PNPLA7: variants seen among roughly 807,000 people sequenced by gnomAD.
PNPLA7 encodes the protein patatin-like phospholipase domain-containing protein 7.
A neutral mutation model predicts 161.7 loss-of-function variants in PNPLA7; 153 were observed. That is an observed-to-expected ratio of 0.95 (90% confidence interval 0.83 to 1.08). The LOEUF (loss-of-function observed/expected upper bound fraction) is 1.08, where lower values mean the gene tolerates loss of function less well. Ranked by LOEUF, PNPLA7 falls within the 50% of genes least tolerant of loss-of-function variation. The pLI is 0.00. For synonymous variants in PNPLA7, 809 were observed against 782.1 expected, an observed-to-expected ratio of 1.03 and a Z score of -0.57; for missense variants, 1,739 against 1,856.6, an observed-to-expected ratio of 0.94 and a Z score of 1.16.
In PNPLA7 at chr9:137,500,554, G is replaced by A. The variant is rs1833335376; in HGVS notation, c.1757+137C>T. ...GGGGGCACAGACCTGGGCCCACACA[G>A]GTGCCGGGGACAAAGAGGGGAGCCC... is the stretch of plus-strand genomic sequence containing the variant. On this transcript the variant is annotated intron_variant, in intron 16 of 34. Transcript: ENST00000406427. The surrounding 1 kb of genome is among the most constrained non-coding windows in gnomAD (Gnocchi z 5.5). The A allele has an allele frequency of 1.2e-6, 1 of 819,174 alleles. No homozygotes were observed. 50.7% of individuals were successfully genotyped at this position (819,174 alleles called of 1,614,324 possible). A position where few individuals can be genotyped will look rare whatever the true frequency, so the allele number is the denominator to read the frequency against.
At chr9:137,526,075 TC>T (rs1328136786) in intron 8 of PNPLA7, among the ~76,000 whole-genome samples, 13 of 152,024 alleles carry the variant, frequency 8.6e-5, no homozygotes, top group Admixed American at 2.0e-4. Context: ...TCATATATCA[TC>T]ATATCTATAT....
chr9:137,534,908 G>A (rs1204536967), intron 8 of PNPLA7, among the ~76,000 whole-genome samples: 2 of 140,162 alleles, frequency 1.4e-5, no homozygotes, highest in Admixed American at 6.8e-5. Context: ...CGAACCGCGC[G>A]TTCTAACAGG....
At position 137,490,181 on chromosome 9, in the gene PNPLA7, A is replaced by T. The variant is rs1832696721; in HGVS notation, c.2197+2832T>A. On this transcript the variant is annotated intron_variant, in intron 20 of 34. Coordinates refer to ENST00000406427, the MANE Select transcript of PNPLA7 (RefSeq NM_001098537.3). The surrounding 1 kb of genome is among the most constrained non-coding windows in gnomAD (Gnocchi z 4.1). ...CGATCATAGCTCACTGTAACCTCGA[A>T]CTCCGAGGCCCAAACGATCCTCCCA... is the stretch of plus-strand genomic sequence containing the variant. 6.6e-6 allele frequency among the ~76,000 whole-genome samples: 1 copy of T among 152,134 alleles called. No homozygotes were observed. The highest frequency in any genetic ancestry group is 1.9e-4 in the East Asian group (1 of 5,196).
At chr9:137,465,366 C>A (rs1054041960) in intron 26 of PNPLA7, among the ~76,000 whole-genome samples, 106 of 152,256 alleles carry the variant, frequency 7.0e-4, no homozygotes, top group African/African-American at 2.4e-3. Context: ...GTGATCCCAG[C>A]ACGGAAAGAG....
At chr9:137,492,576 CA>C (rs1317146411) in intron 20 of PNPLA7, among the ~76,000 whole-genome samples, 1 of 33,806 alleles carries the variant, frequency 3.0e-5, no homozygotes, top group Non-Finnish European at 5.8e-5. Context: ...CAGCACAGGG[CA>C]GGGCCGTGGG....
At position 137,524,101 on chromosome 9, in the gene PNPLA7, G is replaced by A. The variant is rs139016259; in HGVS notation, c.748-1244C>T. ...CTCCAATGCCCCTGGCAGCCTTTTC[G>A]CAACCTCCTTTCTTCCCACCACTGG... On this transcript the variant is annotated intron_variant, in intron 8 of 34. Coordinates refer to ENST00000406427, the MANE Select transcript of PNPLA7 (RefSeq NM_001098537.3). The surrounding 1 kb of genome is among the most constrained non-coding windows in gnomAD (Gnocchi z 4.4). 1.6e-3 allele frequency among the ~76,000 whole-genome samples: 239 copies of A among 152,248 alleles called. 1 individual carries two copies. Among genetic ancestry groups the A allele is most frequent in the African/African-American group, 4.4e-3 (182 of 41,548 alleles).
chr9:137,481,717 CT>C (rs1832228161), intron 21 of PNPLA7, among the ~76,000 whole-genome samples: 1 of 152,192 alleles, frequency 6.6e-6, no homozygotes, highest in African/African-American at 2.4e-5. Flanking sequence ...AATCCCAGCA[CT>C]TTGGGAGGCC....
chr9:137,474,548 T>TG (rs1342655211), intron 25 of PNPLA7, among the ~76,000 whole-genome samples: 3 of 152,050 alleles, frequency 2.0e-5, no homozygotes, highest in Non-Finnish European at 4.4e-5. Context: ...CGGAGTGCCG[T>TG]GGGGAAACGC....
intron 1 of PNPLA7, 37 bp downstream of exon 1, chr9:137,550,131 T>G: frequency 6.2e-7 from 1 of 1,612,198 alleles, no homozygotes; most frequent in Non-Finnish European, 8.5e-7. Context: ...GCCCCCCAAC[T>G]GGGAAATCCA....
chr9:137,507,630 T>C (rs748861804), intron 12 of PNPLA7, among the ~76,000 whole-genome samples: 3 of 152,034 alleles, frequency 2.0e-5, no homozygotes, highest in African/African-American at 7.3e-5. Context: ...GATCGCACCA[T>C]TGCACTCCAG....
Position 137,480,573 on chromosome 9 carries a change from C to T in PNPLA7, c.2412-93G>A, listed in dbSNP as rs1159912316. 2.0e-5 allele frequency: 28 copies of T among 1,371,534 alleles called. No homozygotes were observed. The South Asian group carries it at 3.4e-4, about 17-fold the overall frequency. 85.0% of individuals were successfully genotyped at this position (1,371,534 alleles called of 1,614,324 possible). A position where few individuals can be genotyped will look rare whatever the true frequency, so the allele number is the denominator to read the frequency against. On this transcript the variant is annotated intron_variant, in intron 22 of 34. Transcript: ENST00000406427. ...GGCAAAGAGGCAGCAGAGGCCAGCACCAGCCGCTGCCCCTTCCCCTCCCTG... is the reference window on the plus strand; with the variant it reads ...GGCAAAGAGGCAGCAGAGGCCAGCATCAGCCGCTGCCCCTTCCCCTCCCTG...
At position 137,510,834 on chromosome 9, in the gene PNPLA7, C is replaced by T. The variant is rs1459017901; in HGVS notation, c.1225+4545G>A. 2.0e-5 allele frequency among the ~76,000 whole-genome samples: 3 copies of T among 152,032 alleles called. No homozygotes were observed. In the East Asian group the frequency reaches 5.8e-4, roughly 29 times the overall value. On this transcript the variant is annotated intron_variant, in intron 12 of 34. Coordinates refer to ENST00000406427, the MANE Select transcript of PNPLA7 (RefSeq NM_001098537.3). Reference sequence around the variant, plus strand: ...TGTGGGCGGAAAGTCACCCAGGTGCCGAGGCATGAGACTGAAGGCACAAGC... The same window carrying T: ...TGTGGGCGGAAAGTCACCCAGGTGCTGAGGCATGAGACTGAAGGCACAAGC...
intron 20 of PNPLA7, among the ~76,000 whole-genome samples, chr9:137,489,563 C>T (rs936581264): frequency 4.6e-5 from 7 of 152,158 alleles, no homozygotes; most frequent in Non-Finnish European, 7.3e-5. Flanking sequence ...ATGTCACAGA[C>T]GGAATTATTT....
At position 137,501,650 on chromosome 9, in the gene PNPLA7, C is replaced by T. The variant is rs769933569; in HGVS notation, c.1551G>A (p.Gln517=). The T allele has an allele frequency of 3.1e-6, 5 of 1,612,142 alleles. No homozygotes were observed. Among genetic ancestry groups the T allele is most frequent in the Non-Finnish European group, 2.5e-6 (3 of 1,179,684 alleles). Reference sequence around the variant, plus strand: ...TGCCCCCCCCCAGACCCCCGCTCACCTGGTCTCCCTGCCTTGACACCACCG... The same window carrying T: ...TGCCCCCCCCCAGACCCCCGCTCACTTGGTCTCCCTGCCTTGACACCACCG... The part of the protein sequence containing the change: ...AGTVVSRQGD[Q]DASILFVVSG... The change falls in exon 15 of 35, where the codon CAG becomes CAA. Residue 517 remains glutamine, a splice_region_variant and synonymous_variant. Transcript: ENST00000406427.
At chr9:137,542,305 C>G (rs1006351241) in intron 7 of PNPLA7, among the ~76,000 whole-genome samples, 2 of 151,926 alleles carry the variant, frequency 1.3e-5, no homozygotes, top group Admixed American at 6.6e-5. Flanking sequence ...TCCATCTCTA[C>G]AAAAAAATTT....
rs1419186741 is a variant in PNPLA7, at chr9:137,499,639, G to A, written c.1757+1052C>T. On this transcript the variant is annotated intron_variant, in intron 16 of 34. Coordinates refer to ENST00000406427, the MANE Select transcript of PNPLA7 (RefSeq NM_001098537.3). The surrounding 1 kb of genome is among the most constrained non-coding windows in gnomAD (Gnocchi z 5.5). ...GGCTGGAGCCACTCAGGCCAGGCCT[G>A]GAAGACAGAGGCCATGCAGAAAGCC... is the stretch of plus-strand genomic sequence containing the variant. Among the ~76,000 whole-genome samples, 2 of 152,246 alleles carry A rather than the reference G, an allele frequency of 1.3e-5. No homozygotes were observed. The highest frequency in any genetic ancestry group is 2.9e-5 in the Non-Finnish European group (2 of 68,046).
chr9:137,484,077 A>G (rs1174285363), intron 21 of PNPLA7, among the ~76,000 whole-genome samples: 1 of 151,558 alleles, frequency 6.6e-6, no homozygotes, highest in African/African-American at 2.4e-5. Flanking sequence ...CTGGGATTAC[A>G]GATGCGCACC....
Position 137,547,165 on chromosome 9 carries a change from C to T in PNPLA7, c.193+144G>A. 1 of 887,296 alleles carries T rather than the reference C, an allele frequency of 1.1e-6. No individual in the cohort carries two copies. Among genetic ancestry groups the T allele is most frequent in the Non-Finnish European group, 1.8e-6 (1 of 554,370 alleles). 55.0% of individuals were successfully genotyped at this position (887,296 alleles called of 1,614,324 possible). Reference sequence around the variant, plus strand: ...GACTTGGCTTCCTGGAACCGACGGGCTCAGCCTGAGCCCAGACGGGCCATC... The same window carrying T: ...GACTTGGCTTCCTGGAACCGACGGGTTCAGCCTGAGCCCAGACGGGCCATC... On this transcript the variant is annotated intron_variant, in intron 3 of 34. Transcript: ENST00000406427. This position sits in a 1 kb window ranked among gnomAD's most constrained non-coding sequence, Gnocchi z 4.6.
rs1303809136 is a variant in PNPLA7 at position 137,462,844 on chromosome 9, G to A, written c.3344-11C>T. 2 of 1,613,354 alleles carry A rather than the reference G, an allele frequency of 1.2e-6. No individual in the cohort carries two copies. The highest frequency in any genetic ancestry group is 8.5e-7 in the Non-Finnish European group (1 of 1,179,724). On this transcript the variant is annotated splice_polypyrimidine_tract_variant and intron_variant, in intron 29 of 34. Transcript: ENST00000406427. ...ACCGGGCCACATCCGCTAGGGAGAA[G>A]CCAGCCCTGGTTACCCCCTGGACAG...
Sources: allele counts gnomAD v4.1 joint callset (sites outside exome capture counted in the v4.1 genomes callset), GRCh38; gene constraint gnomAD v4.1.1; non-coding constraint Gnocchi (gnomAD v3.1); transcripts MANE v1.5; gene names NCBI Gene and HGNC (gene_info 2026-07-23, HGNC 2026-07-21).